PRPF18: variants seen among roughly 807,000 people sequenced by gnomAD.
PRPF18 encodes pre-mRNA-splicing factor 18.
Under a neutral mutation model 46.5 loss-of-function variants are expected in PRPF18, and 38 were observed. The observed-to-expected ratio is 0.82, with a 90% CI of 0.63 to 1.07. The LOEUF is 1.07. Ranked by LOEUF, PRPF18 falls within the 50% of genes least tolerant of loss-of-function variation. The pLI is 0.00. For missense variants in PRPF18, 263 were observed against 410.0 expected, an observed-to-expected ratio of 0.64 and a Z score of 3.10; for synonymous variants, 152 against 146.7, an observed-to-expected ratio of 1.04 and a Z score of -0.26.
chr10:13,613,224 G>C (rs951039453), intron 6 of PRPF18, among the ~76,000 whole-genome samples: 2 of 152,032 alleles, frequency 1.3e-5, no homozygotes, highest in African/African-American at 4.8e-5. Flanking sequence ...TTAAACCCAA[G>C]GGGCACTGAG....
intron 9 of PRPF18, 119 bp downstream of exon 9, chr10:13,616,672 G>A (rs750653388): frequency 1.4e-5 from 19 of 1,312,376 alleles, no homozygotes; most frequent in Admixed American, 4.3e-5. Flanking sequence ...TGATAGGATG[G>A]AAGTCCCCTC....
At chr10:13,649,064 A>G in the PRPF18 span, among the ~76,000 whole-genome samples, 1 of 152,220 alleles carries the variant, frequency 6.6e-6, no homozygotes, top group Non-Finnish European at 1.5e-5. Flanking sequence ...AGTATCACCT[A>G]TTAACATCCA....
At chr10:13,615,902 C>T (rs1174870606) in intron 8 of PRPF18, among the ~76,000 whole-genome samples, 2 of 152,040 alleles carry the variant, frequency 1.3e-5, no homozygotes, top group Non-Finnish European at 2.9e-5. Flanking sequence ...CCTGTGTGGT[C>T]GTCGGCACAT....
intron 9 of PRPF18, among the ~76,000 whole-genome samples, chr10:13,617,415 T>A (rs889696000): frequency 6.6e-6 from 1 of 152,216 alleles, no homozygotes; most frequent in Non-Finnish European, 1.5e-5. Flanking sequence ...AATAGCTTTT[T>A]AAAATATGAT....
the PRPF18 span, chr10:13,651,953 G>A: frequency 6.3e-7 from 1 of 1,595,988 alleles, no homozygotes; most frequent in Admixed American, 1.7e-5. Context: ...CATCCAGAAT[G>A]GGTGAGTTTT....
chr10:13,620,916 A>G (rs1222724334), intron 9 of PRPF18, among the ~76,000 whole-genome samples: 2 of 152,232 alleles, frequency 1.3e-5, no homozygotes, highest in Non-Finnish European at 1.5e-5. Flanking sequence ...GGAAAGTTCT[A>G]TAGCTTACTG....
intron 6 of PRPF18, among the ~76,000 whole-genome samples, chr10:13,613,328 C>T (rs1324934742): frequency 6.6e-6 from 1 of 152,172 alleles, no homozygotes; most frequent in African/African-American, 2.4e-5. Flanking sequence ...TAGTCAGGTG[C>T]TTTCATGGTT....
chr10:13,598,582 T>C (rs933798355), intron 2 of PRPF18, among the ~76,000 whole-genome samples: 24 of 152,362 alleles, frequency 1.6e-4, no homozygotes, highest in African/African-American at 4.8e-4. Context: ...AAAAAAATTT[T>C]AAAATGTAAT....
intron 9 of PRPF18, among the ~76,000 whole-genome samples, chr10:13,627,111 T>C (rs1049693363): frequency 6.6e-6 from 1 of 152,208 alleles, no homozygotes; most frequent in East Asian, 1.9e-4. Flanking sequence ...GTTGCTCTGT[T>C]GTTCAGAACC....
intron 1 of PRPF18, chr10:13,591,627 A>G: frequency 1.6e-6 from 1 of 629,330 alleles, no homozygotes; most frequent in Non-Finnish European, 2.9e-6. Context: ...TCTGTGCTGA[A>G]GATCTCAGCT....
intron 2 of PRPF18, 146 bp from the exon 3 acceptor site, chr10:13,600,098 A>G (rs1260761399): frequency 3.3e-6 from 2 of 598,616 alleles, no homozygotes; most frequent in Non-Finnish European, 5.6e-6. Context: ...AAGCATGTAC[A>G]CTTATTGTGA....
At chr10:13,610,931 TATA>T (rs2080260391) in intron 5 of PRPF18, among the ~76,000 whole-genome samples, 1 of 152,234 alleles carries the variant, frequency 6.6e-6, no homozygotes, top group East Asian at 1.9e-4. Context: ...AGTGTTAGTG[TATA>T]ATCTTAATTA....
chr10:13,651,803 C>T, the PRPF18 span: 1,226 of 737,286 alleles, frequency 1.7e-3, 21 homozygotes, highest in African/African-American at 0.018. Context: ...ATAAATACAG[C>T]ATTCAGATGT....
rs1338791483 is a variant in PRPF18 at position 13,630,812 on chromosome 10, G to A, written c.*472G>A. 1 of 152,060 alleles carries A rather than the reference G, an allele frequency of 6.6e-6. No individual in the cohort carries two copies. Among genetic ancestry groups the A allele is most frequent in the Non-Finnish European group, 1.5e-5 (1 of 68,018 alleles). The allele number at this position is 152,060 out of a possible 1,614,324, so 9.4% of individuals were successfully genotyped here. ...GAATGAAACTTTATAGTCCTTAAAT[G>A]TTGCTGAACTTTTGCTGTCTTGCAA... On this transcript the variant is annotated 3_prime_UTR_variant, in exon 10 of 10. Transcript: ENST00000378572.
chr10:13,652,290 G>C, the PRPF18 span: 3 of 395,144 alleles, frequency 7.6e-6, no homozygotes, highest in Non-Finnish European at 1.4e-5. Flanking sequence ...ACTAGTTGTA[G>C]GTGGTGAAAT....
At chr10:13,588,830 G>A (rs779734207) in intron 1 of PRPF18, among the ~76,000 whole-genome samples, 7 of 152,156 alleles carry the variant, frequency 4.6e-5, no homozygotes, top group Non-Finnish European at 1.0e-4. Context: ...GGTTCTCAAA[G>A]CTTTTGGTCT....
chr10:13,654,427 G>A, the PRPF18 span: 1 of 1,605,474 alleles, frequency 6.2e-7, no homozygotes, highest in Non-Finnish European at 8.5e-7. Context: ...CAGTCTGCCA[G>A]GTTAGGATGT....
chr10:13,613,516 G>T (rs1432084065), intron 6 of PRPF18, among the ~76,000 whole-genome samples: 1 of 152,194 alleles, frequency 6.6e-6, no homozygotes. Flanking sequence ...CCTGAGCTAG[G>T]AATAGATGTA....
intron 9 of PRPF18, among the ~76,000 whole-genome samples, chr10:13,627,820 C>A (rs1564464480): frequency 6.6e-6 from 1 of 152,196 alleles, no homozygotes; most frequent in Non-Finnish European, 1.5e-5. Context: ...ATTCTTCTGA[C>A]ATGGGGAAAA....
Sources: gnomAD v4.1 joint callset for allele counts (sites outside exome capture counted in the v4.1 genomes callset) on GRCh38, gnomAD v4.1.1 for gene constraint, MANE v1.5 for transcripts, NCBI Gene and HGNC (gene_info 2026-07-23, HGNC 2026-07-21) for gene names.